Variants in RUSC2 observed in about 807,000 individuals in gnomAD.
The protein encoded by RUSC2 is AP-4 complex accessory subunit RUSC2.
In RUSC2, 34 loss-of-function variants were observed where a neutral mutation model predicts 122.2. The observed-to-expected ratio is 0.28, with a 90% CI of 0.21 to 0.37. The LOEUF is 0.37. Ranked by LOEUF, RUSC2 falls within the 10% of genes least tolerant of loss-of-function variation. RUSC2 has a pLI of 1.00. For synonymous variants in RUSC2, 784 were observed against 790.0 expected, an observed-to-expected ratio of 0.99 and a Z score of 0.13; for missense variants, 1,747 against 1,952.4, an observed-to-expected ratio of 0.89 and a Z score of 1.98.
chr9:35,537,088 TA>T (rs1821544323), intron 1 of RUSC2, among the ~76,000 whole-genome samples: 1 of 152,200 alleles, frequency 6.6e-6, no homozygotes, highest in African/African-American at 2.4e-5. Context: ...CTCAAAACCC[TA>T]GATCTTTGGC....
Position 35,513,903 on chromosome 9 carries a change from CATATATATATATATATATATAT to C in RUSC2, c.-93+23746_-93+23767del, listed in dbSNP as rs3068511. 8.1e-4 allele frequency among the ~76,000 whole-genome samples: 84 copies of C among 104,222 alleles called. 2 individuals carry two copies. Among genetic ancestry groups the C allele is most frequent in the African/African-American group, 2.7e-3 (73 of 26,900 alleles). The allele number at this position is 104,222 out of a possible 152,430, so 68.4% of individuals were successfully genotyped here. On this transcript the variant is annotated intron_variant, in intron 1 of 11. Transcript: ENST00000361226. Reference sequence around the variant, plus strand: ...CTTTTGTAAATAGTGCTTCAACAAACATATATATATATATATATATATATATATATATATATTACTTTATGTG... The same window carrying C: ...CTTTTGTAAATAGTGCTTCAACAAACATATATATATATATTACTTTATGTG...
chr9:35,505,746 A>G (rs1490064425), intron 1 of RUSC2, among the ~76,000 whole-genome samples: 3 of 152,212 alleles, frequency 2.0e-5, no homozygotes, highest in African/African-American at 7.2e-5. Context: ...GATTGTACTT[A>G]GGACAGAAAC....
At chr9:35,525,568 G>C (rs1057151133) in intron 1 of RUSC2, among the ~76,000 whole-genome samples, 2 of 152,124 alleles carry the variant, frequency 1.3e-5, no homozygotes, top group Non-Finnish European at 2.9e-5. Context: ...GGGAGGCCGA[G>C]GCAGGCGGAT....
intron 1 of RUSC2, among the ~76,000 whole-genome samples, chr9:35,492,423 G>T (rs114715689): frequency 1.3e-5 from 2 of 151,698 alleles, no homozygotes; most frequent in Non-Finnish European, 2.9e-5. Flanking sequence ...GTAAGGGCAG[G>T]CTATCTAGAA....
In RUSC2 at chr9:35,548,340, G is replaced by T; in HGVS notation, c.1819G>T (p.Asp607Tyr). 1 of 1,614,040 alleles carries T rather than the reference G, an allele frequency of 6.2e-7. No individual in the cohort carries two copies. The highest frequency in any genetic ancestry group is 8.5e-7 in the Non-Finnish European group (1 of 1,180,034). ...LPPMPLGPGM[D>Y]LLGPDPSPPW... ...ACCCATGCCTTTGGGGCCAGGCATG[G>T]ACCTACTTGGCCCAGACCCAAGTCC... Residue 607 changes from aspartate (D) to tyrosine (Y), a missense_variant, in exon 2 of 12, where the codon GAC (aspartate) becomes TAC (tyrosine). Asp to Tyr is a radical substitution (Grantham distance 160, BLOSUM62 -3). Coordinates refer to ENST00000361226, the MANE Select transcript of RUSC2 (RefSeq NM_014806.5). This position sits in a 1 kb window ranked among gnomAD's most constrained non-coding sequence, Gnocchi z 4.5.
rs754080654 is a variant in RUSC2 at position 35,499,017 on chromosome 9, C to T, written c.-93+8845C>T. 4.6e-5 allele frequency among the ~76,000 whole-genome samples: 7 copies of T among 151,694 alleles called. 1 individual carries two copies. The highest frequency in any genetic ancestry group is 4.2e-4 in the South Asian group (2 of 4,792). On this transcript the variant is annotated intron_variant, in intron 1 of 11. Transcript: ENST00000361226. ...TTAACAGTAGTGAGGCCAGGCGTGG[C>T]GGCTTATGCCTGTAATCCCAGCACT...
intron 2 of RUSC2, among the ~76,000 whole-genome samples, chr9:35,549,789 T>C (rs1208995185): frequency 2.6e-5 from 4 of 152,208 alleles, no homozygotes; most frequent in Admixed American, 1.3e-4. Flanking sequence ...CACTGAAAAA[T>C]TTTAGAGAAA....
intron 1 of RUSC2, among the ~76,000 whole-genome samples, chr9:35,516,597 A>G (rs1821113141): frequency 6.6e-6 from 1 of 152,238 alleles, no homozygotes; most frequent in Non-Finnish European, 1.5e-5. Context: ...GAAATTAGCC[A>G]GTCTGTCAGC....
rs779599994 is a variant in RUSC2 at position 35,555,164 on chromosome 9, C to A, written c.2119C>A (p.Leu707Met). Residue 707 changes from leucine (L) to methionine (M), a missense_variant, in exon 3 of 12, where the codon CTG becomes ATG. Transcript: ENST00000361226. This position sits in a 1 kb window ranked among gnomAD's most constrained non-coding sequence, Gnocchi z 4.6. The stretch of plus-strand genomic sequence containing the variant: ...GTTCCAGCACCACTTCCCCAAGCAG[C>A]TGGCCAAGGCCCGGGCCCTCCACAG... ...FVFQHHFPKQ[L>M]AKARALHSLS... 6.2e-7 allele frequency: 1 copy of A among 1,613,826 alleles called. No homozygotes were observed. Among genetic ancestry groups the A allele is most frequent in the Non-Finnish European group, 8.5e-7 (1 of 1,180,036 alleles).
chr9:35,547,471 C>G lies in RUSC2; in HGVS notation c.950C>G (p.Pro317Arg). ...TCTTCCTTCTGCAGCCACTCAGACC[C>G]TGGCGCCTTCTATCTGGATCTGCAG... is the stretch of plus-strand genomic sequence containing the variant. The part of the protein sequence containing the change: ...SDSSFCSHSD[P>R]GAFYLDLQPS... The change falls in exon 2 of 12, where the codon CCT becomes CGT. Residue 317 changes from proline to arginine, a missense_variant. By Grantham distance (103) the Pro-to-Arg change is moderately radical. Coordinates refer to ENST00000361226, the MANE Select transcript of RUSC2 (RefSeq NM_014806.5). The surrounding 1 kb of genome is among the most constrained non-coding windows in gnomAD (Gnocchi z 4.6). The G allele has an allele frequency of 1.2e-6, 2 of 1,614,248 alleles. No homozygotes were observed. Among genetic ancestry groups the G allele is most frequent in the African/African-American group, 2.7e-5 (2 of 75,066 alleles).
At chr9:35,529,499 T>G (rs1821381030) in intron 1 of RUSC2, among the ~76,000 whole-genome samples, 1 of 150,332 alleles carries the variant, frequency 6.7e-6, no homozygotes, top group Non-Finnish European at 1.5e-5. Flanking sequence ...ATTTTTACTA[T>G]GCAAAGCACA....
rs1015642393 is a variant in RUSC2, at chr9:35,558,943, C to T, written c.3342-283C>T. Among the ~76,000 whole-genome samples, 3 of 152,236 alleles carry T rather than the reference C, an allele frequency of 2.0e-5. No homozygotes were observed. The highest frequency in any genetic ancestry group is 7.2e-5 in the African/African-American group (3 of 41,454). ...ATGCTTTCTCAGGTATGGGCCCAGGCCATTCCCTTTGGCCCTGAGCTGCCT... is the reference window on the plus strand; with the variant it reads ...ATGCTTTCTCAGGTATGGGCCCAGGTCATTCCCTTTGGCCCTGAGCTGCCT... On this transcript the variant is annotated intron_variant, in intron 8 of 11. Transcript: ENST00000361226. The surrounding 1 kb of genome is among the most constrained non-coding windows in gnomAD (Gnocchi z 4.3).
At chr9:35,531,202 A>G (rs977506206) in intron 1 of RUSC2, among the ~76,000 whole-genome samples, 5 of 152,108 alleles carry the variant, frequency 3.3e-5, no homozygotes, top group South Asian at 2.1e-4. Flanking sequence ...CGGAGCTTGC[A>G]GTGAGCTGAG....
chr9:35,515,404 T>A (rs1821084321), intron 1 of RUSC2, among the ~76,000 whole-genome samples: 1 of 152,132 alleles, frequency 6.6e-6, no homozygotes, highest in Non-Finnish European at 1.5e-5. Flanking sequence ...AACAGATTGC[T>A]GCTATTTTTT....
chr9:35,559,347 C>CT (rs1251941281), intron 9 of RUSC2, 75 bp downstream of exon 9: 1 of 1,273,908 alleles, frequency 7.8e-7, no homozygotes, highest in Admixed American at 1.7e-5. Context: ...GAAGAGCTGT[C>CT]TTTTCATTGC....
At chr9:35,496,126 C>G (rs1820707879) in intron 1 of RUSC2, among the ~76,000 whole-genome samples, 1 of 152,078 alleles carries the variant, frequency 6.6e-6, no homozygotes, top group African/African-American at 2.4e-5. Flanking sequence ...AGGAGGAGGG[C>G]TTAGATCTAG....
intron 1 of RUSC2, among the ~76,000 whole-genome samples, chr9:35,519,016 A>C (rs1587845282): frequency 6.6e-6 from 1 of 152,202 alleles, no homozygotes; most frequent in Admixed American, 6.5e-5. Flanking sequence ...ACAGCTTTCA[A>C]CTTGAGGTCC....
Position 35,535,374 on chromosome 9 carries a change from C to A in RUSC2, c.-92-11056C>A, listed in dbSNP as rs911403185. Among the ~76,000 whole-genome samples, 4 of 151,134 alleles carry A rather than the reference C, an allele frequency of 2.6e-5. No individual in the cohort carries two copies. The East Asian group carries it at 7.8e-4, about 30-fold the overall frequency. ...CAGGTGATCTGCCCGCTTCGGCCCCCCAAAGTGCTAGGATTACAGGCATTA... is the reference window on the plus strand; with the variant it reads ...CAGGTGATCTGCCCGCTTCGGCCCCACAAAGTGCTAGGATTACAGGCATTA... On this transcript the variant is annotated intron_variant, in intron 1 of 11. Transcript: ENST00000361226.
chr9:35,558,727 C>T lies in RUSC2; in HGVS notation c.3341+160C>T, dbSNP rs1197699386. ...GCCTCTCAGTAGGTCACTGCCTCCC[C>T]ACTGTGCCCATGACTCTGTCACTGG... On this transcript the variant is annotated intron_variant, in intron 8 of 11. Transcript: ENST00000361226. This position sits in a 1 kb window ranked among gnomAD's most constrained non-coding sequence, Gnocchi z 4.3. Among the ~76,000 whole-genome samples the T allele has an allele frequency of 6.6e-6, 1 of 152,246 alleles. No individual in the cohort carries two copies. Among genetic ancestry groups the T allele is most frequent in the Non-Finnish European group, 1.5e-5 (1 of 68,054 alleles).
Sources: allele counts gnomAD v4.1 joint callset (sites outside exome capture counted in the v4.1 genomes callset), GRCh38; gene constraint gnomAD v4.1.1; non-coding constraint Gnocchi (gnomAD v3.1); transcripts MANE v1.5; gene names NCBI Gene and HGNC (gene_info 2026-07-23, HGNC 2026-07-21).